The following IL5RA variants were observed in gnomAD, a reference collection of about 807,000 sequenced individuals.
The protein encoded by IL5RA is interleukin 5 receptor subunit alpha.
IL5RA carries 49 observed loss-of-function variants against 50.0 expected under a neutral mutation model. The ratio of observed to expected loss-of-function variants is 0.98; its 90% CI spans 0.78 to 1.24. The LOEUF is 1.24. IL5RA is among the 50% of genes most tolerant of loss of function. The pLI is 0.00. For synonymous variants in IL5RA, 202 were observed against 174.0 expected, an observed-to-expected ratio of 1.16 and a Z score of -1.26; for missense variants, 600 against 500.4, an observed-to-expected ratio of 1.20 and a Z score of -1.90.
Position 3,070,075 on chromosome 3 carries a change from C to G in IL5RA, c.*150G>C. On this transcript the variant is annotated 3_prime_UTR_variant, in exon 12 of 12. Transcript: ENST00000446632. ...GAAGCATCCATACTTTTAAGAGATA[C>G]AAGACTGGTGTGTCTGGGTGTATTG... 1 of 620,150 alleles carries G rather than the reference C, an allele frequency of 1.6e-6. No homozygotes were observed. Among genetic ancestry groups the G allele is most frequent in the South Asian group, 2.2e-5 (1 of 45,962 alleles). 38.4% of individuals were successfully genotyped at this position (620,150 alleles called of 1,614,324 possible).
At position 3,091,872 on chromosome 3, in the gene IL5RA, G is replaced by C. The variant is rs1232984325; in HGVS notation, c.994+352C>G. 1.3e-5 allele frequency: 7 copies of C among 532,550 alleles called. No individual in the cohort carries two copies. The Admixed American group carries it at 1.7e-4, about 13-fold the overall frequency. The allele number at this position is 532,550 out of a possible 1,614,324, so 33.0% of individuals were successfully genotyped here. On this transcript the variant is annotated intron_variant, in intron 9 of 11. Transcript: ENST00000446632. ...ATGTTACCCTTGAGGAAAACTGGAT[G>C]AAAGAGACACAGGATCTCTATTATT... is the stretch of plus-strand genomic sequence containing the variant.
chr3:3,105,634 A>AC (rs869144263), intron 2 of IL5RA: 1 of 98,912 alleles, frequency 1.0e-5, no homozygotes, highest in Admixed American at 1.1e-4. Context: ...TCCCCCCCCC[A>AC]CCCCGCAAAG....
Position 3,089,638 on chromosome 3 carries a change from C to G in IL5RA, c.994+2586G>C, listed in dbSNP as rs563182221. ...ACCCATAATCACAAAGGTTGGCTACCAAGATGTCTTTTTTTTTTTTTGAGA... is the reference window on the plus strand; with the variant it reads ...ACCCATAATCACAAAGGTTGGCTACGAAGATGTCTTTTTTTTTTTTTGAGA... On this transcript the variant is annotated intron_variant, in intron 9 of 11. Coordinates refer to ENST00000446632, the MANE Select transcript of IL5RA (RefSeq NM_175726.4). Among the ~76,000 whole-genome samples, 76 of 151,614 alleles carry G rather than the reference C, an allele frequency of 5.0e-4. 1 individual carries two copies. Among genetic ancestry groups the G allele is most frequent in the Admixed American group, 3.0e-3 (45 of 15,102 alleles).
At chr3:3,087,331 C>G (rs1389169595) in intron 9 of IL5RA, among the ~76,000 whole-genome samples, 9 of 152,248 alleles carry the variant, frequency 5.9e-5, no homozygotes, top group African/African-American at 1.9e-4. Context: ...AACTATACCC[C>G]CTCCCTGCTG....
chr3:3,077,460 C>T (rs764676039), intron 9 of IL5RA, among the ~76,000 whole-genome samples: 38 of 152,096 alleles, frequency 2.5e-4, no homozygotes, highest in Non-Finnish European at 4.0e-4. Flanking sequence ...CTTTTAAGTA[C>T]TAGAAAGGCG....
intron 9 of IL5RA, among the ~76,000 whole-genome samples, chr3:3,082,866 C>T (rs779673672): frequency 1.3e-5 from 2 of 152,206 alleles, no homozygotes; most frequent in Non-Finnish European, 2.9e-5. Flanking sequence ...ACCTTAAATT[C>T]TGCATGTAAG....
intron 3 of IL5RA, among the ~76,000 whole-genome samples, chr3:3,104,198 C>T (rs1268808849): frequency 6.6e-6 from 1 of 152,178 alleles, no homozygotes; most frequent in Non-Finnish European, 1.5e-5. Flanking sequence ...TGCCACCACA[C>T]CTGGCTATTT....
intron 5 of IL5RA, among the ~76,000 whole-genome samples, chr3:3,100,980 CAATAATAAT>C (rs35949387): frequency 0.011 from 1,592 of 141,690 alleles, 27 homozygotes; most frequent in African/African-American, 0.037. Context: ...AACCCCATCT[CAATAATAAT>C]AATAATAATA....
rs956253221 is a variant in IL5RA, at chr3:3,067,605, A to G, written c.*2620T>C. ...CGGGATCAACCAACTCTGCTTTTGA[A>G]GGCTTCATGGAGGAAGTGATGATGG... On this transcript the variant is annotated 3_prime_UTR_variant, in exon 12 of 12. Transcript: ENST00000446632. 6.6e-6 allele frequency: 1 copy of G among 152,342 alleles called. No individual in the cohort carries two copies. The allele number at this position is 152,342 out of a possible 1,614,324, so 9.4% of individuals were successfully genotyped here.
rs371452304 is a variant in IL5RA at position 3,074,762 on chromosome 3, A to C, written c.1176+20T>G. ...CAACCCTGGACACATACGGCATATC[A>C]TAAGAACTTTCAACATTACCTCATA... On this transcript the variant is annotated intron_variant, in intron 11 of 11. Coordinates refer to ENST00000446632, the MANE Select transcript of IL5RA (RefSeq NM_175726.4). 1 of 1,450,746 alleles carries C rather than the reference A, an allele frequency of 6.9e-7. No individual in the cohort carries two copies. Among genetic ancestry groups the C allele is most frequent in the South Asian group, 1.1e-5 (1 of 87,678 alleles). 89.9% of individuals were successfully genotyped at this position (1,450,746 alleles called of 1,614,324 possible).
In IL5RA at chr3:3,095,343, C is replaced by G. The variant is rs779527335; in HGVS notation, c.811G>C (p.Asp271His). ...PVSAFPIHCF[D>H]YEVKIHNTRN... ...GTATTGTGTATTTTTACTTCATAAT[C>G]AAAGCAATGGATTGGAAAAGCAGAC... Residue 271 changes from aspartate (D) to histidine (H), a missense_variant, in exon 8 of 12, where the codon GAT (aspartate) becomes CAT (histidine). By Grantham distance (81) the Asp-to-His change is moderately conservative. Transcript: ENST00000446632. 3 of 1,608,114 alleles carry G rather than the reference C, an allele frequency of 1.9e-6. No homozygotes were observed. The highest frequency in any genetic ancestry group is 2.6e-6 in the Non-Finnish European group (3 of 1,174,886).
intron 9 of IL5RA, among the ~76,000 whole-genome samples, chr3:3,090,956 T>A (rs78952094): frequency 9.8e-5 from 15 of 152,306 alleles, no homozygotes; most frequent in African/African-American, 3.6e-4. Context: ...AGGGTAAGAC[T>A]GGAAATGTGC....
chr3:3,085,811 C>A (rs1284208358), intron 9 of IL5RA, among the ~76,000 whole-genome samples: 7 of 152,120 alleles, frequency 4.6e-5, no homozygotes, highest in African/African-American at 9.7e-5. Flanking sequence ...GACTCTGAGA[C>A]CCCCACTCCA....
rs998405615 is a variant in IL5RA at position 3,066,752 on chromosome 3, C to A, written c.*3473G>T. On this transcript the variant is annotated 3_prime_UTR_variant, in exon 12 of 12. Transcript: ENST00000446632. Reference sequence around the variant, plus strand: ...CCCACGTGGATTCTTCCCCAGCCTGCATGAATAGCTTGAGGTCTGAGGCAT... The same window carrying A: ...CCCACGTGGATTCTTCCCCAGCCTGAATGAATAGCTTGAGGTCTGAGGCAT... The A allele has an allele frequency of 1.3e-5, 2 of 152,190 alleles. No homozygotes were observed. Among genetic ancestry groups the A allele is most frequent in the Non-Finnish European group, 2.9e-5 (2 of 68,042 alleles). The allele number at this position is 152,190 out of a possible 1,614,324, so 9.4% of individuals were successfully genotyped here. A position where few individuals can be genotyped will look rare whatever the true frequency, so the allele number is the denominator to read the frequency against.
rs1242790544 is a variant in IL5RA, at chr3:3,110,338, C to T, written c.-539G>A. The T allele has an allele frequency of 2.0e-5, 3 of 152,148 alleles. No individual in the cohort carries two copies. Among genetic ancestry groups the T allele is most frequent in the East Asian group, 1.9e-4 (1 of 5,202 alleles). 9.4% of individuals were successfully genotyped at this position (152,148 alleles called of 1,614,324 possible). On this transcript the variant is annotated 5_prime_UTR_variant, in exon 1 of 12. Coordinates refer to ENST00000446632, the MANE Select transcript of IL5RA (RefSeq NM_175726.4). ...ATGGTGACAAGGTAAACAAGTTTTCCGTGGGTACTCTAAAGCGTTGCATTT... is the reference window on the plus strand; with the variant it reads ...ATGGTGACAAGGTAAACAAGTTTTCTGTGGGTACTCTAAAGCGTTGCATTT...
At chr3:3,081,167 T>C (rs978269193) in intron 9 of IL5RA, among the ~76,000 whole-genome samples, 5 of 152,236 alleles carry the variant, frequency 3.3e-5, no homozygotes, top group Non-Finnish European at 7.3e-5. Flanking sequence ...GGATTAATAC[T>C]CCGTTCTCTG....
At position 3,095,711 on chromosome 3, in the gene IL5RA, T is replaced by A. The variant is rs1274426586; in HGVS notation, c.710-267A>T. ...AAATAGAGTTGAATGCTTGAATTAC[T>A]TCCCCCCCTCAGCTCATTGCAAGAC... is the stretch of plus-strand genomic sequence containing the variant. On this transcript the variant is annotated intron_variant, in intron 7 of 11. Coordinates refer to ENST00000446632, the MANE Select transcript of IL5RA (RefSeq NM_175726.4). Among the ~76,000 whole-genome samples, 7 of 152,040 alleles carry A rather than the reference T, an allele frequency of 4.6e-5. No individual in the cohort carries two copies. The South Asian group carries it at 1.0e-3, about 23-fold the overall frequency.
At chr3:3,102,319 C>T (rs1317346461) in intron 4 of IL5RA, among the ~76,000 whole-genome samples, 1 of 152,200 alleles carries the variant, frequency 6.6e-6, no homozygotes, top group African/African-American at 2.4e-5. Flanking sequence ...CCTGACTCTC[C>T]ACTCTGCCTG....
intron 7 of IL5RA, among the ~76,000 whole-genome samples, chr3:3,097,137 T>C (rs1385120425): frequency 6.6e-6 from 1 of 152,184 alleles, no homozygotes; most frequent in Admixed American, 6.5e-5. Context: ...GTTTCACTAA[T>C]AGAACTATCT....
Sources: allele counts gnomAD v4.1 joint callset (sites outside exome capture counted in the v4.1 genomes callset), GRCh38; gene constraint gnomAD v4.1.1; transcripts MANE v1.5; gene names NCBI Gene and HGNC (gene_info 2026-07-23, HGNC 2026-07-21).